The following CNTNAP2 variants were observed in gnomAD, a reference collection of about 807,000 sequenced individuals.
The protein encoded by CNTNAP2 is contactin-associated protein-like 2.
Under a neutral mutation model 155.2 loss-of-function variants are expected in CNTNAP2, and 98 were observed. That is an observed-to-expected ratio of 0.63 (90% CI 0.54 to 0.75). The LOEUF is 0.75. CNTNAP2 is among the 30% of genes least tolerant of loss of function. The pLI, the probability that CNTNAP2 is intolerant of heterozygous loss-of-function variation, is 0.00. For missense variants in CNTNAP2, 1,727 were observed against 1,688.1 expected (o/e 1.02, Z -0.40); for synonymous variants, 651 against 631.2 (o/e 1.03, Z -0.47).
At chr7:148,205,534 G>A (rs1795435961) in intron 18 of CNTNAP2, among the ~76,000 whole-genome samples, 1 of 152,194 alleles carries the variant, frequency 6.6e-6, no homozygotes, top group Non-Finnish European at 1.5e-5. Flanking sequence ...GAAATTAAGA[G>A]CATTCGTTAA....
At position 146,329,053 on chromosome 7, in the gene CNTNAP2, G is replaced by A. The variant is rs139970880; in HGVS notation, c.97+212080G>A. On this transcript the variant is annotated intron_variant, in intron 1 of 23. Coordinates refer to ENST00000361727, the MANE Select transcript of CNTNAP2 (RefSeq NM_014141.6). ...ATTTCTTTTGACCATATACCCAGAA[G>A]TAGGATTGCTAGACCATATGGGAGT... Among the ~76,000 whole-genome samples, 90 of 152,320 alleles carry A rather than the reference G, an allele frequency of 5.9e-4. 1 individual carries two copies. Among genetic ancestry groups the A allele is most frequent in the African/African-American group, 2.1e-3 (87 of 41,564 alleles).
chr7:147,068,188 T>G (rs543410062), intron 4 of CNTNAP2, among the ~76,000 whole-genome samples: 4 of 152,304 alleles, frequency 2.6e-5, no homozygotes, highest in African/African-American at 9.6e-5. Context: ...GGATGGTCAC[T>G]CTTCTGACCT....
At chr7:147,236,170 A>G (rs1313455301) in intron 8 of CNTNAP2, among the ~76,000 whole-genome samples, 1 of 152,218 alleles carries the variant, frequency 6.6e-6, no homozygotes, top group African/African-American at 2.4e-5. Flanking sequence ...TCCCCACTGC[A>G]GGAAACTCCC....
intron 15 of CNTNAP2, among the ~76,000 whole-genome samples, chr7:148,050,194 A>G (rs1802861854): frequency 6.6e-6 from 1 of 152,194 alleles, no homozygotes; most frequent in South Asian, 2.1e-4. Context: ...AAACAACCTC[A>G]GCAGGTCCTT....
chr7:146,556,161 C>CTT (rs561504195), intron 1 of CNTNAP2, among the ~76,000 whole-genome samples: 1 of 151,438 alleles, frequency 6.6e-6, no homozygotes. Flanking sequence ...TAATGTCAGT[C>CTT]TTTTTTTTTC....
intron 1 of CNTNAP2, among the ~76,000 whole-genome samples, chr7:146,396,380 C>T (rs1051238487): frequency 2.0e-5 from 3 of 151,936 alleles, no homozygotes; most frequent in Non-Finnish European, 1.5e-5. Context: ...GAAAACACAG[C>T]ATCTATTGTA....
At chr7:147,216,134 T>C (rs958934622) in intron 8 of CNTNAP2, among the ~76,000 whole-genome samples, 1 of 152,006 alleles carries the variant, frequency 6.6e-6, no homozygotes, top group Non-Finnish European at 1.5e-5. Context: ...GTCTGTGTTT[T>C]TTTTTTCATC....
chr7:147,522,044 G>T (rs906869136), intron 11 of CNTNAP2, among the ~76,000 whole-genome samples: 5 of 152,206 alleles, frequency 3.3e-5, no homozygotes, highest in African/African-American at 4.8e-5. Flanking sequence ...TCTGATGAGG[G>T]TCCCCTACTT....
chr7:146,871,065 T>C (rs1795295839), intron 3 of CNTNAP2, among the ~76,000 whole-genome samples: 1 of 152,210 alleles, frequency 6.6e-6, no homozygotes, highest in African/African-American at 2.4e-5. Flanking sequence ...GTGAAATGTA[T>C]TGAAATGGAT....
At chr7:148,106,493 G>GAGAGAGATAGATATATATATATAT (rs1554472856) in intron 15 of CNTNAP2, among the ~76,000 whole-genome samples, 3 of 124,926 alleles carry the variant, frequency 2.4e-5, no homozygotes, top group African/African-American at 1.0e-4. Flanking sequence ...CACACTTTGA[G>GAGAGAGATAGATATATATATATAT]ATATATATAT....
At chr7:147,473,621 C>T (rs1489735951) in intron 10 of CNTNAP2, among the ~76,000 whole-genome samples, 2 of 152,080 alleles carry the variant, frequency 1.3e-5, no homozygotes, top group Non-Finnish European at 2.9e-5. Flanking sequence ...TTTCCCTGCA[C>T]CTCAGGTCCT....
At chr7:147,815,786 C>T (rs897374557) in intron 13 of CNTNAP2, among the ~76,000 whole-genome samples, 1 of 152,160 alleles carries the variant, frequency 6.6e-6, no homozygotes, top group East Asian at 1.9e-4. Flanking sequence ...GTTCAATCCA[C>T]GAATAGCTTG....
At chr7:146,923,232 A>G (rs1443115413) in intron 3 of CNTNAP2, among the ~76,000 whole-genome samples, 1 of 152,158 alleles carries the variant, frequency 6.6e-6, no homozygotes, top group Non-Finnish European at 1.5e-5. Context: ...TACACTGTCA[A>G]GGTTTAGGAA....
At chr7:147,450,941 C>G (rs1437011192) in intron 10 of CNTNAP2, among the ~76,000 whole-genome samples, 1 of 152,196 alleles carries the variant, frequency 6.6e-6, no homozygotes, top group African/African-American at 2.4e-5. Flanking sequence ...GATCTGTAAT[C>G]CCACTCATGG....
In CNTNAP2 at chr7:146,498,588, T is replaced by G. The variant is rs373547566; in HGVS notation, c.98-275683T>G. Among the ~76,000 whole-genome samples the G allele has an allele frequency of 2.6e-5, 4 of 152,060 alleles. No homozygotes were observed. The East Asian group carries it at 5.8e-4, about 22-fold the overall frequency. ...TTTCAATTCCGTTTACAATCAGTAA[T>G]AAAATTAAGCATTTTAGATTGACTT... On this transcript the variant is annotated intron_variant, in intron 1 of 23. Coordinates refer to ENST00000361727, the MANE Select transcript of CNTNAP2 (RefSeq NM_014141.6).
At chr7:148,104,323 G>A (rs1443017474) in intron 15 of CNTNAP2, among the ~76,000 whole-genome samples, 2 of 152,100 alleles carry the variant, frequency 1.3e-5, no homozygotes, top group Admixed American at 1.3e-4. Flanking sequence ...CATTACCCTG[G>A]GTATAGAGCA....
chr7:148,412,406 C>T (rs4726974), intron 23 of CNTNAP2, among the ~76,000 whole-genome samples: 24,105 of 152,252 alleles, frequency 0.16, 2,230 homozygotes, highest in East Asian at 0.3. Context: ...TGTATCTATA[C>T]GTTTATTTGT....
rs186895057 is a variant in CNTNAP2 at position 147,157,835 on chromosome 7, T to G, written c.1348+25326T>G. Among the ~76,000 whole-genome samples the G allele has an allele frequency of 3.7e-3, 556 of 152,250 alleles. 3 individuals are homozygous for G. The highest frequency in any genetic ancestry group is 6.3e-3 in the Non-Finnish European group (428 of 67,986). ...TCCACCCAGATTCCAATGTACCATA[T>G]TTATCAGAAATGATATAATAAATTA... On this transcript the variant is annotated intron_variant, in intron 8 of 23. Transcript: ENST00000361727.
chr7:148,176,346 C>T (rs1284086188), intron 18 of CNTNAP2, among the ~76,000 whole-genome samples: 63 of 151,444 alleles, frequency 4.2e-4, no homozygotes, highest in South Asian at 2.1e-4. Flanking sequence ...CTCAGCCTCC[C>T]GAGTAGCTGG....
Sources: allele counts gnomAD v4.1 joint callset (sites outside exome capture counted in the v4.1 genomes callset), GRCh38; gene constraint gnomAD v4.1.1; transcripts MANE v1.5; gene names NCBI Gene and HGNC (gene_info 2026-07-23, HGNC 2026-07-21).